NUDC: variants seen among roughly 807,000 people sequenced by gnomAD.
The protein encoded by NUDC is nuclear migration protein nudC.
NUDC carries 14 observed loss-of-function variants against 45.0 expected under a neutral mutation model. The observed-to-expected ratio is 0.31, with a 90% confidence interval of 0.21 to 0.49. NUDC has a LOEUF of 0.49. Among genes scored for constraint, NUDC ranks in the 20% least tolerant of loss-of-function variants. The probability of loss-of-function intolerance (pLI) is 0.99; values close to 1 mark genes in which losing one functional copy is unlikely to be tolerated. For missense variants in NUDC, 323 were observed against 426.2 expected (o/e 0.76, Z 2.13); for synonymous variants, 153 against 156.7 (o/e 0.98, Z 0.17).
At chr1:26,935,628 T>C (rs1379713307) in intron 2 of NUDC, among the ~76,000 whole-genome samples, 1 of 145,460 alleles carries the variant, frequency 6.9e-6, no homozygotes, top group Non-Finnish European at 1.6e-5. Context: ...TCCCATGACA[T>C]GTGGGGATTA....
intron 2 of NUDC, among the ~76,000 whole-genome samples, chr1:26,926,178 G>A (rs114736282): frequency 0.012 from 1,755 of 152,290 alleles, 35 homozygotes; most frequent in African/African-American, 0.039. Context: ...ACCACGCCCG[G>A]CGCCATTATC....
Position 26,942,948 on chromosome 1 carries a change from G to T in NUDC, c.624G>T (p.Arg208=). Residue 208 remains arginine, a synonymous_variant, in exon 6 of 9, where the codon CGG becomes CGT. Coordinates refer to ENST00000321265, the MANE Select transcript of NUDC (RefSeq NM_006600.4). ...TGGACATCCAGCGGCGGCACCTCCG[G>T]GTGGGGCTCAAGGGGCAGCCAGCGA... is the stretch of plus-strand genomic sequence containing the variant. The part of the protein sequence containing the change: ...MVVDIQRRHL[R]VGLKGQPAII... 6.2e-7 allele frequency: 1 copy of T among 1,614,170 alleles called. No individual in the cohort carries two copies. The highest frequency in any genetic ancestry group is 2.2e-5 in the East Asian group (1 of 44,886).
At chr1:26,927,964 G>A (rs1282383962) in intron 2 of NUDC, among the ~76,000 whole-genome samples, 1 of 152,034 alleles carries the variant, frequency 6.6e-6, no homozygotes, top group African/African-American at 2.4e-5. Flanking sequence ...TACATACCAA[G>A]TAGAAGAAAT....
upstream of NUDC, among the ~76,000 whole-genome samples, chr1:26,917,163 C>T (rs541616584): frequency 1.3e-4 from 20 of 151,184 alleles, no homozygotes; most frequent in African/African-American, 3.9e-4. Context: ...GAGGCTGAAG[C>T]GGGAGGATAG....
exon 1 of NUDC, chr1:26,900,326 C>A: frequency 6.2e-7 from 1 of 1,614,052 alleles, no homozygotes; most frequent in Non-Finnish European, 8.5e-7. Flanking sequence ...CACCGCCGCG[C>A]TCTTCTCGGA....
rs189760301 is a variant in NUDC at position 26,922,291 on chromosome 1, G to A, written c.81+362G>A. On this transcript the variant is annotated intron_variant, in intron 1 of 8. Transcript: ENST00000321265. ...ATTTGGATCCACCAAGGCTTGGGGC[G>A]AGCCGTCGAATGTGTGTGGTAGGGG... The A allele has an allele frequency of 1.4e-4, 49 of 362,112 alleles. No individual in the cohort carries two copies. The East Asian group carries it at 3.1e-3, about 23-fold the overall frequency. 22.4% of individuals were successfully genotyped at this position (362,112 alleles called of 1,614,324 possible).
intron 2 of NUDC, among the ~76,000 whole-genome samples, chr1:26,933,204 G>C (rs2124116836): frequency 6.6e-6 from 1 of 151,716 alleles, no homozygotes; most frequent in East Asian, 1.9e-4. Context: ...AAAGAGCTGG[G>C]ATTACAGGCT....
At chr1:26,943,170 C>G in intron 6 of NUDC, 105 bp downstream of exon 6, 12 of 1,142,752 alleles carry the variant, frequency 1.1e-5, no homozygotes, top group African/African-American at 1.5e-5. Context: ...GTGGGATTAT[C>G]TTAATCCCCA....
intron 2 of NUDC, among the ~76,000 whole-genome samples, chr1:26,940,552 C>G (rs1461297979): frequency 6.6e-6 from 1 of 152,084 alleles, no homozygotes; most frequent in East Asian, 1.9e-4. Context: ...TCAAGTCTTG[C>G]ATAGCTGGAC....
At chr1:26,913,254 T>A (rs865877927) in intron 3 of NUDC, among the ~76,000 whole-genome samples, 10 of 152,020 alleles carry the variant, frequency 6.6e-5, no homozygotes, top group South Asian at 4.2e-4. Context: ...ACCACTGCAC[T>A]CCAGACTGGG....
At position 26,921,782 on chromosome 1, in the gene NUDC, C is replaced by A. The variant is rs41311274; in HGVS notation, c.-67C>A. ...ACTAGAGTCGTTGGGCCCGGCGCGACCCGCAGGAGCGTAGAGAGCGCGGGA... is the reference window on the plus strand; with the variant it reads ...ACTAGAGTCGTTGGGCCCGGCGCGAACCGCAGGAGCGTAGAGAGCGCGGGA... On this transcript the variant is annotated 5_prime_UTR_variant, in exon 1 of 9. Transcript: ENST00000321265. 97,146 of 1,504,162 alleles carry A rather than the reference C, an allele frequency of 0.065. 3,499 individuals carry two copies. Among genetic ancestry groups the A allele is most frequent in the Non-Finnish European group, 0.073 (80,691 of 1,107,216 alleles). 93.2% of individuals were successfully genotyped at this position (1,504,162 alleles called of 1,614,324 possible).
intron 2 of NUDC, among the ~76,000 whole-genome samples, chr1:26,935,835 A>C (rs930325262): frequency 1.3e-5 from 2 of 151,810 alleles, no homozygotes; most frequent in Non-Finnish European, 2.9e-5. Context: ...AGACAAAAAC[A>C]AAAAATTAAG....
At chr1:26,909,859 G>T (rs750349147) in intron 2 of NUDC, among the ~76,000 whole-genome samples, 5 of 152,056 alleles carry the variant, frequency 3.3e-5, no homozygotes, top group Non-Finnish European at 7.4e-5. Context: ...GGGCCCTGAA[G>T]GATGCCTTTA....
In NUDC at chr1:26,945,403, A is replaced by C. The variant is rs1229621962; in HGVS notation, c.755A>C (p.Glu252Ala). 1.2e-6 allele frequency: 2 copies of C among 1,613,936 alleles called. No homozygotes were observed. The highest frequency in any genetic ancestry group is 1.7e-6 in the Non-Finnish European group (2 of 1,179,974). ...TTCTCTTCACAGATCAATAAGATGGAGTGGTGGAGCCGCTTGGTGTCCAGT... is the reference window on the plus strand; with the variant it reads ...TTCTCTTCACAGATCAATAAGATGGCGTGGTGGAGCCGCTTGGTGTCCAGT... ...TVHLEKINKM[E>A]WWSRLVSSDP... is the part of the protein sequence containing the mutation. Residue 252 changes from glutamate (E) to alanine (A), a missense_variant, in exon 7 of 9, where the codon GAG becomes GCG. Glu to Ala is a moderately radical substitution (Grantham distance 107). This residue lies in a region of NUDC where 245 missense variants were observed against 278.8 expected (regional missense o/e 0.88). Coordinates refer to ENST00000321265, the MANE Select transcript of NUDC (RefSeq NM_006600.4).
At chr1:26,908,110 C>T (rs1440399515) in intron 2 of NUDC, among the ~76,000 whole-genome samples, 1 of 151,820 alleles carries the variant, frequency 6.6e-6, no homozygotes, top group Non-Finnish European at 1.5e-5. Flanking sequence ...ACCCGGGAGG[C>T]GGAGGTTGCA....
At chr1:26,922,898 C>T (rs1023702067) in intron 1 of NUDC, among the ~76,000 whole-genome samples, 1 of 152,200 alleles carries the variant, frequency 6.6e-6, no homozygotes, top group Non-Finnish European at 1.5e-5. Context: ...GTCTCCATTC[C>T]TCTAAACTGT....
chr1:26,941,384 A>G, intron 2 of NUDC, 73 bp from the exon 3 acceptor site: 1 of 1,503,296 alleles, frequency 6.7e-7, no homozygotes. Flanking sequence ...GCAGGTAGAG[A>G]GTGGGGCTGG....
At position 26,942,735 on chromosome 1, in the gene NUDC, C is replaced by A. The variant is rs746452301; in HGVS notation, c.505C>A (p.Leu169Met). 4 of 1,614,250 alleles carry A rather than the reference C, an allele frequency of 2.5e-6. No homozygotes were observed. The highest frequency in any genetic ancestry group is 3.4e-6 in the Non-Finnish European group (4 of 1,180,046). The change falls in exon 5 of 9, where the codon CTG (leucine) becomes ATG (methionine). Residue 169 changes from leucine (L) to methionine (M), a missense_variant. By Grantham distance (15) the Leu-to-Met change is conservative. Coordinates refer to ENST00000321265, the MANE Select transcript of NUDC (RefSeq NM_006600.4). ...LKPNLGNGADLPNYRWTQTLS... is the reference protein window; with the variant it reads ...LKPNLGNGADMPNYRWTQTLS... ...GCCCAACCTAGGCAACGGGGCAGAC[C>A]TGCCCAATTACCGCTGGACCCAGAC...
intron 1 of NUDC, 64 bp downstream of exon 1, chr1:26,921,993 G>A (rs995885918): frequency 6.7e-7 from 1 of 1,486,234 alleles, no homozygotes; most frequent in African/African-American, 1.4e-5. Flanking sequence ...GCCCTTCTCT[G>A]CCTTCGAGGG....
Sources: gnomAD v4.1 joint callset for allele counts (sites outside exome capture counted in the v4.1 genomes callset) on GRCh38, gnomAD v4.1.1 for gene constraint, gnomAD v4.1.1 regional missense constraint, MANE v1.5 for transcripts, NCBI Gene and HGNC (gene_info 2026-07-23, HGNC 2026-07-21) for gene names.